The following TASP1 variants were observed in gnomAD, a reference collection of about 807,000 sequenced individuals.
The protein encoded by TASP1 is taspase 1.
Under a neutral mutation model 56.6 loss-of-function variants are expected in TASP1, and 16 were observed. The observed-to-expected ratio is 0.28, with a 90% CI of 0.19 to 0.43. The LOEUF (loss-of-function observed/expected upper bound fraction) is 0.43. TASP1 is among the 20% of genes least tolerant of loss of function. TASP1 has a pLI of 1.00. For missense variants in TASP1, 393 were observed against 511.6 expected (o/e 0.77, Z 2.24); for synonymous variants, 179 against 184.2 (o/e 0.97, Z 0.23).
chr20:13,133,531 C>T, the TASP1 span, among the ~76,000 whole-genome samples: 98 of 152,148 alleles, frequency 6.4e-4, 1 homozygote, highest in East Asian at 0.014. Context: ...GTCAGGAGTT[C>T]GAGACCAACC....
At chr20:13,466,616 C>A (rs1197657737) in intron 11 of TASP1, among the ~76,000 whole-genome samples, 4 of 152,168 alleles carry the variant, frequency 2.6e-5, no homozygotes, top group Admixed American at 2.6e-4. Flanking sequence ...TGGCATGCGC[C>A]TGTAATCCCA....
intron 10 of TASP1, among the ~76,000 whole-genome samples, chr20:13,489,070 C>T (rs1481175100): frequency 6.6e-6 from 1 of 152,130 alleles, no homozygotes; most frequent in East Asian, 1.9e-4. Context: ...ATAATTCTCA[C>T]TAATGTTATA....
chr20:13,307,582 C>T, the TASP1 span, among the ~76,000 whole-genome samples: 167 of 152,298 alleles, frequency 1.1e-3, no homozygotes, highest in Non-Finnish European at 2.1e-3. Context: ...CCCATGCCCC[C>T]GTCCAGTAAC....
intron 4 of TASP1, among the ~76,000 whole-genome samples, chr20:13,593,865 C>A (rs1482740945): frequency 6.6e-6 from 1 of 152,212 alleles, no homozygotes; most frequent in African/African-American, 2.4e-5. Flanking sequence ...CCCAGCATTT[C>A]ATTTCAGCTC....
the TASP1 span, among the ~76,000 whole-genome samples, chr20:13,152,036 T>G: frequency 6.6e-6 from 1 of 152,150 alleles, no homozygotes; most frequent in Non-Finnish European, 1.5e-5. Context: ...AATGAGAGTT[T>G]TATTGATCTT....
At chr20:13,226,414 A>G in the TASP1 span, among the ~76,000 whole-genome samples, 1 of 148,508 alleles carries the variant, frequency 6.7e-6, no homozygotes, top group African/African-American at 2.5e-5. Context: ...TTTTACTGGA[A>G]TTTTTTTTTT....
chr20:13,346,793 T>C, the TASP1 span, among the ~76,000 whole-genome samples: 1 of 152,238 alleles, frequency 6.6e-6, no homozygotes, highest in Non-Finnish European at 1.5e-5. Flanking sequence ...GTTACCTTAG[T>C]TCCTCAAGAT....
the TASP1 span, among the ~76,000 whole-genome samples, chr20:13,163,473 AC>A: frequency 2.0e-5 from 3 of 151,988 alleles, no homozygotes; most frequent in Non-Finnish European, 2.9e-5. Context: ...CACTTTGGAT[AC>A]CACTGAACTA....
the TASP1 span, among the ~76,000 whole-genome samples, chr20:13,228,274 G>A: frequency 2.0e-5 from 3 of 151,968 alleles, no homozygotes; most frequent in Non-Finnish European, 2.9e-5. Context: ...TGCCTGGCCT[G>A]CTGCTGCTGC....
chr20:13,374,032 T>G, the TASP1 span, among the ~76,000 whole-genome samples: 9 of 152,298 alleles, frequency 5.9e-5, no homozygotes, highest in East Asian at 1.7e-3. Context: ...GTTGAGCCCC[T>G]TTAATAAAGT....
chr20:13,427,663 G>A (rs185345646), intron 12 of TASP1, among the ~76,000 whole-genome samples: 83 of 152,282 alleles, frequency 5.5e-4, no homozygotes, highest in African/African-American at 1.8e-3. Flanking sequence ...GGCCCACATA[G>A]GGGCTTCAAA....
intron 11 of TASP1, among the ~76,000 whole-genome samples, chr20:13,438,897 A>G (rs1220110153): frequency 6.6e-6 from 1 of 152,254 alleles, no homozygotes; most frequent in Non-Finnish European, 1.5e-5. Flanking sequence ...CAAAAGACAC[A>G]TGAAAAAATG....
the TASP1 span, among the ~76,000 whole-genome samples, chr20:13,179,963 A>G: frequency 6.6e-6 from 1 of 152,140 alleles, no homozygotes; most frequent in Non-Finnish European, 1.5e-5. Flanking sequence ...TTTGTAGTCT[A>G]TGGACACAGC....
chr20:13,159,875 A>T, the TASP1 span: 1 of 1,270,498 alleles, frequency 7.9e-7, no homozygotes, highest in Non-Finnish European at 1.1e-6. Flanking sequence ...ATCATCTTCC[A>T]CTTATTATCA....
intron 11 of TASP1, among the ~76,000 whole-genome samples, chr20:13,476,799 A>G (rs2042963772): frequency 6.6e-6 from 1 of 152,134 alleles, no homozygotes; most frequent in African/African-American, 2.4e-5. Context: ...TGCAGTTTGG[A>G]CATGTGAGTA....
the TASP1 span, among the ~76,000 whole-genome samples, chr20:13,336,497 C>G: frequency 6.6e-6 from 1 of 152,100 alleles, no homozygotes; most frequent in African/African-American, 2.4e-5. Context: ...ATCCTACACA[C>G]TTAGCTGCAA....
At chr20:13,233,085 G>T in the TASP1 span, among the ~76,000 whole-genome samples, 10 of 151,740 alleles carry the variant, frequency 6.6e-5, no homozygotes, top group Non-Finnish European at 1.5e-4. Context: ...CTTCTCCCGT[G>T]TCCTGCTGTC....
At chr20:13,286,664 C>T in the TASP1 span, among the ~76,000 whole-genome samples, 1 of 152,208 alleles carries the variant, frequency 6.6e-6, no homozygotes, top group African/African-American at 2.4e-5. Flanking sequence ...CCCCCCACCA[C>T]CCCGCTCCTC....
intron 13 of TASP1, among the ~76,000 whole-genome samples, chr20:13,409,500 C>A (rs1009226130): frequency 6.6e-6 from 1 of 152,030 alleles, no homozygotes; most frequent in Non-Finnish European, 1.5e-5. Context: ...TATCTCATAT[C>A]TCCTATGTCT....
Sources: allele counts gnomAD v4.1 joint callset (sites outside exome capture counted in the v4.1 genomes callset), GRCh38; gene constraint gnomAD v4.1.1; transcripts MANE v1.5; gene names NCBI Gene and HGNC (gene_info 2026-07-23, HGNC 2026-07-21).